Variants in ATF7 observed in about 807,000 individuals in gnomAD.
ATF7 encodes activating transcription factor 7.
Under a neutral mutation model 50.4 loss-of-function variants are expected in ATF7, and 10 were observed. That is an observed-to-expected ratio of 0.20 (90% CI 0.12 to 0.34). The LOEUF (loss-of-function observed/expected upper bound fraction) is 0.34, where lower values mean the gene tolerates loss of function less well. Among genes scored for constraint, ATF7 ranks in the 10% least tolerant of loss-of-function variants. ATF7 has a pLI of 1.00. For missense variants in ATF7, 465 were observed against 613.9 expected (o/e 0.76, Z 2.56); for synonymous variants, 201 against 226.4 (o/e 0.89, Z 1.01).
At chr12:53,511,116 C>T (rs1944119333), downstream of ATF7, among the ~76,000 whole-genome samples, 1 of 152,238 alleles carries the variant, frequency 6.6e-6, no homozygotes, top group South Asian at 2.1e-4. Context: ...TCAAATTCTT[C>T]AGCCTGGCTC....
chr12:53,564,883 C>T (rs922046209), intron 2 of ATF7, among the ~76,000 whole-genome samples: 2 of 151,838 alleles, frequency 1.3e-5, no homozygotes, highest in African/African-American at 4.8e-5. Flanking sequence ...GATTTTTTGG[C>T]GATTTTTTTT....
At chr12:53,588,810 G>C (rs1393348083) in intron 2 of ATF7, among the ~76,000 whole-genome samples, 2 of 152,156 alleles carry the variant, frequency 1.3e-5, no homozygotes, top group African/African-American at 4.8e-5. Context: ...GCTGCAAAAT[G>C]ATGGTGGTTT....
intron 1 of ATF7, among the ~76,000 whole-genome samples, chr12:53,603,786 G>C (rs531054840): frequency 6.7e-6 from 1 of 150,310 alleles, no homozygotes; most frequent in African/African-American, 2.4e-5. Context: ...CTGGTCTGCT[G>C]CATCAATTGC....
chr12:53,550,310 T>G, intron 3 of ATF7, among the ~76,000 whole-genome samples: 1 of 138,606 alleles, frequency 7.2e-6, no homozygotes, highest in Admixed American at 8.0e-5. Flanking sequence ...GGCAACAGAG[T>G]GAGACCCTGT....
At chr12:53,585,504 T>TA (rs968862615) in intron 2 of ATF7, among the ~76,000 whole-genome samples, 18 of 151,676 alleles carry the variant, frequency 1.2e-4, no homozygotes, top group Admixed American at 9.2e-4. Context: ...AAAACTGCTC[T>TA]AAAAAAAATA....
chr12:53,535,328 C>CAAAAAAAAAAAAA (rs397938442), intron 5 of ATF7, among the ~76,000 whole-genome samples: 29 of 64,902 alleles, frequency 4.5e-4, no homozygotes, highest in African/African-American at 1.1e-3. Context: ...GACTCTGCCT[C>CAAAAAAAAAAAAA]AAAAAAAAAA....
At chr12:53,518,359 T>C (rs888217422) in intron 11 of ATF7, among the ~76,000 whole-genome samples, 1 of 152,278 alleles carries the variant, frequency 6.6e-6, no homozygotes, top group African/African-American at 2.4e-5. Flanking sequence ...TAAAACATTA[T>C]AAGTTATGCC....
intron 1 of ATF7, among the ~76,000 whole-genome samples, chr12:53,625,198 T>C (rs1403521922): frequency 3.3e-5 from 5 of 152,174 alleles, no homozygotes; most frequent in Non-Finnish European, 7.3e-5. Context: ...CAGAGCAACA[T>C]ATTAAGTCCC....
intron 2 of ATF7, among the ~76,000 whole-genome samples, chr12:53,573,812 G>C (rs905466462): frequency 2.0e-5 from 3 of 152,160 alleles, no homozygotes; most frequent in African/African-American, 7.2e-5. Flanking sequence ...TGGGAGAAGG[G>C]TAATACCCAA....
At chr12:53,518,217 C>T (rs1255279018) in intron 11 of ATF7, among the ~76,000 whole-genome samples, 2 of 152,228 alleles carry the variant, frequency 1.3e-5, no homozygotes, top group South Asian at 2.1e-4. Context: ...ACAGGTAAGT[C>T]TGATAGATAT....
At chr12:53,536,915 A>T (rs1939259073) in intron 5 of ATF7, among the ~76,000 whole-genome samples, 1 of 152,026 alleles carries the variant, frequency 6.6e-6, no homozygotes, top group Non-Finnish European at 1.5e-5. Context: ...AAAGAATACA[A>T]TTGCTATGAA....
chr12:53,518,483 G>A (rs140674675), intron 11 of ATF7, among the ~76,000 whole-genome samples: 2 of 152,146 alleles, frequency 1.3e-5, no homozygotes, highest in Admixed American at 6.5e-5. Context: ...TTTTTAGAGG[G>A]TCTCACTCTG....
rs1315691140 is a variant in ATF7, at chr12:53,513,132, C to G, written c.*4005G>C. On this transcript the variant is annotated 3_prime_UTR_variant, in exon 12 of 12. Transcript: ENST00000420353. ...CCATTAAAAAAATAAACCCTAGTAGCTATGATACAAACCTACATCTACAGA... is the reference window on the plus strand; with the variant it reads ...CCATTAAAAAAATAAACCCTAGTAGGTATGATACAAACCTACATCTACAGA... 1 of 152,194 alleles carries G rather than the reference C, an allele frequency of 6.6e-6. No homozygotes were observed. Among genetic ancestry groups the G allele is most frequent in the African/African-American group, 2.4e-5 (1 of 41,436 alleles). 9.4% of individuals were successfully genotyped at this position (152,194 alleles called of 1,614,324 possible). A position where few individuals can be genotyped will look rare whatever the true frequency, so the allele number is the denominator to read the frequency against.
intron 11 of ATF7, 88 bp downstream of exon 11, chr12:53,523,188 A>G: frequency 1.0e-6 from 1 of 1,003,224 alleles, no homozygotes; most frequent in Non-Finnish European, 1.6e-6. Flanking sequence ...AACATTCAGA[A>G]TGGAGTTATA....
In ATF7 at chr12:53,599,138, A is replaced by G. The variant is rs372512773; in HGVS notation, c.48+1815T>C. ...CCTTGAACTCCTGGACTCTCAAGTGATCCTCCTGCATCAGCCTCCCAAGTA... is the reference window on the plus strand; with the variant it reads ...CCTTGAACTCCTGGACTCTCAAGTGGTCCTCCTGCATCAGCCTCCCAAGTA... On this transcript the variant is annotated intron_variant, in intron 2 of 11. Transcript: ENST00000420353. Among the ~76,000 whole-genome samples the G allele has an allele frequency of 4.4e-4, 67 of 152,178 alleles. No individual in the cohort carries two copies. In the East Asian group the frequency reaches 0.013, roughly 29 times the overall value.
At chr12:53,579,168 T>C (rs563275013) in intron 2 of ATF7, among the ~76,000 whole-genome samples, 1 of 151,938 alleles carries the variant, frequency 6.6e-6, no homozygotes, top group Admixed American at 6.6e-5. Flanking sequence ...CACTTGAACC[T>C]GGGAGGCAGA....
chr12:53,586,854 G>T (rs1942707207), intron 2 of ATF7, among the ~76,000 whole-genome samples: 1 of 152,078 alleles, frequency 6.6e-6, no homozygotes, highest in Admixed American at 6.6e-5. Flanking sequence ...GTCTATCAGA[G>T]GCACCCAGCA....
chr12:53,510,702 A>G (rs1467011889), downstream of ATF7, among the ~76,000 whole-genome samples: 1 of 152,198 alleles, frequency 6.6e-6, no homozygotes, highest in African/African-American at 2.4e-5. Context: ...CTAAACATCA[A>G]TTACAAGTGG....
intron 11 of ATF7, among the ~76,000 whole-genome samples, chr12:53,520,449 A>G (rs1490220056): frequency 6.6e-6 from 1 of 152,124 alleles, no homozygotes; most frequent in Non-Finnish European, 1.5e-5. Flanking sequence ...ATGGTGGTGC[A>G]CGCCTGTGGT....
Sources: allele counts gnomAD v4.1 joint callset (sites outside exome capture counted in the v4.1 genomes callset), GRCh38; gene constraint gnomAD v4.1.1; transcripts MANE v1.5; gene names NCBI Gene and HGNC (gene_info 2026-07-23, HGNC 2026-07-21).